The following CPNE4 variants were observed in gnomAD, a reference collection of about 807,000 sequenced individuals.
The protein encoded by CPNE4 is copine-4.
Under a neutral mutation model 67.9 loss-of-function variants are expected in CPNE4, and 25 were observed. The observed-to-expected ratio is 0.37, with a 90% CI of 0.27 to 0.51. CPNE4 has a LOEUF of 0.51. Among genes scored for constraint, CPNE4 ranks in the 20% least tolerant of loss-of-function variants. CPNE4 has a pLI of 0.93. For missense variants in CPNE4, 464 were observed against 690.8 expected (o/e 0.67, Z 3.68); for synonymous variants, 242 against 244.9 (o/e 0.99, Z 0.11).
intron 5 of CPNE4, 60 bp downstream of exon 5, chr3:131,696,482 G>C: frequency 8.7e-6 from 13 of 1,489,624 alleles, no homozygotes; most frequent in Non-Finnish European, 1.2e-5. Flanking sequence ...GGGGAAATCT[G>C]ATTAAACTGT....
intron 2 of CPNE4, among the ~76,000 whole-genome samples, chr3:131,806,899 A>C (rs1200940324): frequency 6.6e-6 from 1 of 152,204 alleles, no homozygotes; most frequent in Non-Finnish European, 1.5e-5. Context: ...GGAAGTTTGT[A>C]GTTTTCACAG....
intron 1 of CPNE4, among the ~76,000 whole-genome samples, chr3:131,984,248 A>C (rs1306544878): frequency 6.6e-6 from 1 of 152,204 alleles, no homozygotes; most frequent in African/African-American, 2.4e-5. Flanking sequence ...TGGTCTTTAC[A>C]CTGAACTGCA....
intron 3 of CPNE4, among the ~76,000 whole-genome samples, chr3:131,708,993 T>TATAC (rs1204117372): frequency 1.7e-4 from 18 of 104,914 alleles, no homozygotes; most frequent in African/African-American, 5.2e-4. Flanking sequence ...TATATATATA[T>TATAC]ATACATACAC....
At chr3:131,779,883 G>A (rs1189144696) in intron 2 of CPNE4, among the ~76,000 whole-genome samples, 1 of 151,918 alleles carries the variant, frequency 6.6e-6, no homozygotes, top group African/African-American at 2.4e-5. Context: ...AAGAAACTAT[G>A]GATAGCATAA....
intron 1 of CPNE4, among the ~76,000 whole-genome samples, chr3:132,025,174 C>T (rs907868231): frequency 7.9e-5 from 12 of 152,100 alleles, no homozygotes; most frequent in Non-Finnish European, 1.5e-4. Flanking sequence ...TTTAGACTTT[C>T]GTAACAGAGA....
At chr3:131,977,711 G>A (rs1304824776) in intron 1 of CPNE4, among the ~76,000 whole-genome samples, 1 of 151,838 alleles carries the variant, frequency 6.6e-6, no homozygotes, top group Non-Finnish European at 1.5e-5. Flanking sequence ...ATAAGTTACA[G>A]GGGTACAGGT....
intron 2 of CPNE4, among the ~76,000 whole-genome samples, chr3:131,786,599 G>T (rs979189520): frequency 3.3e-5 from 5 of 152,146 alleles, no homozygotes; most frequent in Non-Finnish European, 7.4e-5. Context: ...TCACACAGTT[G>T]ATTAGTGGCC....
rs116063650 is a variant in CPNE4 at position 131,717,486 on chromosome 3, T to C, written c.360+5960A>G. ...ATCTATATTGTCTATTCTATATTCA[T>C]GTCAGCTGCCGATTGTCACCCTCCT... On this transcript the variant is annotated intron_variant, in intron 3 of 15. Coordinates refer to ENST00000429747, the MANE Select transcript of CPNE4 (RefSeq NM_130808.3). Among the ~76,000 whole-genome samples the C allele has an allele frequency of 6.6e-3, 999 of 152,358 alleles. 9 individuals are homozygous for C. Among genetic ancestry groups the C allele is most frequent in the African/African-American group, 0.023 (945 of 41,578 alleles).
rs763614064 is a variant in CPNE4, at chr3:131,669,666, A to C, written c.681+9T>G. On this transcript the variant is annotated intron_variant, in intron 7 of 15. Transcript: ENST00000429747. ...AAAAAATCACATTTCTTGGACACAG[A>C]TTTCTGACCTTTAGCCGGCGGTCTG... 1.3e-6 allele frequency: 2 copies of C among 1,591,456 alleles called. No homozygotes were observed. The highest frequency in any genetic ancestry group is 4.5e-5 in the East Asian group (2 of 44,748).
intron 7 of CPNE4, among the ~76,000 whole-genome samples, chr3:131,627,790 T>G (rs2079116676): frequency 6.6e-6 from 1 of 152,164 alleles, no homozygotes; most frequent in Admixed American, 6.5e-5. Flanking sequence ...AGAACTAGAA[T>G]TAGAAGTAGA....
chr3:131,812,856 T>A (rs1453692094), intron 2 of CPNE4, among the ~76,000 whole-genome samples: 1 of 152,116 alleles, frequency 6.6e-6, no homozygotes, highest in Non-Finnish European at 1.5e-5. Context: ...AACATTTGAG[T>A]TGGATCTCAA....
Position 131,990,649 on chromosome 3 carries a change from C to A in CPNE4, c.-2+43918G>T, listed in dbSNP as rs181309123. ...TTGATCTTTTACAATAAAATAAATA[C>A]CTGATTTGGAACTGTATACTTCAAA... On this transcript the variant is annotated intron_variant, in intron 1 of 15. Coordinates refer to ENST00000429747, the MANE Select transcript of CPNE4 (RefSeq NM_130808.3). Among the ~76,000 whole-genome samples, 2 of 135,476 alleles carry A rather than the reference C, an allele frequency of 1.5e-5. 1 individual carries two copies. The highest frequency in any genetic ancestry group is 1.7e-4 in the Admixed American group (2 of 11,988). 88.9% of individuals were successfully genotyped at this position (135,476 alleles called of 152,430 possible).
intron 10 of CPNE4, among the ~76,000 whole-genome samples, chr3:131,564,782 A>G (rs549367097): frequency 6.6e-6 from 1 of 152,174 alleles, no homozygotes; most frequent in East Asian, 1.9e-4. Flanking sequence ...TGTGTTAAAG[A>G]TACAGTCTTC....
chr3:131,839,452 T>C (rs992967959), intron 2 of CPNE4, among the ~76,000 whole-genome samples: 2 of 151,126 alleles, frequency 1.3e-5, no homozygotes, highest in Non-Finnish European at 3.0e-5. Context: ...TATATTTACT[T>C]AATTTATGCT....
Position 131,884,549 on chromosome 3 carries a change from G to A in CPNE4, c.180+20715C>T, listed in dbSNP as rs554785824. On this transcript the variant is annotated intron_variant, in intron 2 of 15. Transcript: ENST00000429747. ...AAATCTGAAGTCAGAGTGTTTCAGA[G>A]AGCAGGTTCCGCTCATATTGACTAT... 3.3e-5 allele frequency among the ~76,000 whole-genome samples: 5 copies of A among 152,274 alleles called. No homozygotes were observed. The South Asian group carries it at 6.2e-4, about 19-fold the overall frequency.
At chr3:131,901,556 A>G (rs941353073) in intron 2 of CPNE4, among the ~76,000 whole-genome samples, 1 of 152,018 alleles carries the variant, frequency 6.6e-6, no homozygotes, top group Non-Finnish European at 1.5e-5. Context: ...TAATGAAAAT[A>G]TTTCCGGCCA....
At chr3:131,881,389 A>G (rs1364115032) in intron 2 of CPNE4, among the ~76,000 whole-genome samples, 4 of 152,080 alleles carry the variant, frequency 2.6e-5, no homozygotes, top group African/African-American at 9.7e-5. Flanking sequence ...CCTTCCCTAA[A>G]CCACTAACTC....
chr3:131,799,923 G>GTGTTT (rs1553773769), intron 2 of CPNE4, among the ~76,000 whole-genome samples: 1 of 44,868 alleles, frequency 2.2e-5, no homozygotes, highest in Non-Finnish European at 6.0e-5. Context: ...TGTGTGTTGT[G>GTGTTT]TGTGTGTGTG....
chr3:131,979,825 G>A (rs769481026), intron 1 of CPNE4, among the ~76,000 whole-genome samples: 39 of 152,012 alleles, frequency 2.6e-4, no homozygotes, highest in Non-Finnish European at 4.0e-4. Context: ...ACTCTGTTGT[G>A]ATGTGTTTCC....
Sources: gnomAD v4.1 joint callset for allele counts (sites outside exome capture counted in the v4.1 genomes callset) on GRCh38, gnomAD v4.1.1 for gene constraint, MANE v1.5 for transcripts, NCBI Gene and HGNC (gene_info 2026-07-23, HGNC 2026-07-21) for gene names.